GRM1: variants seen among roughly 807,000 people sequenced by gnomAD.
GRM1 encodes metabotropic glutamate receptor 1.
In GRM1, 33 loss-of-function variants were observed where a neutral mutation model predicts 90.9. The ratio of observed to expected loss-of-function variants is 0.36; its 90% CI spans 0.28 to 0.49. The LOEUF is 0.49. Ranked by LOEUF, GRM1 falls within the 20% of genes least tolerant of loss-of-function variation. GRM1 has a pLI of 0.99. For missense variants in GRM1, 1,190 were observed against 1,534.3 expected (o/e 0.78, Z 3.75); for synonymous variants, 700 against 613.2 (o/e 1.14, Z -2.09).
intron 1 of GRM1, among the ~76,000 whole-genome samples, chr6:146,062,415 C>A (rs1324076509): frequency 1.3e-5 from 2 of 151,812 alleles, no homozygotes; most frequent in East Asian, 1.9e-4. Flanking sequence ...ATGGGTGCAG[C>A]AAACCACCAT....
intron 1 of GRM1, among the ~76,000 whole-genome samples, chr6:146,143,747 T>G (rs1014109640): frequency 1.3e-5 from 2 of 152,206 alleles, no homozygotes; most frequent in Non-Finnish European, 2.9e-5. Context: ...AGGTACTTAC[T>G]TTGAATACTG....
intron 2 of GRM1, among the ~76,000 whole-genome samples, chr6:146,195,658 G>T (rs1490651312): frequency 1.3e-5 from 2 of 152,206 alleles, no homozygotes; most frequent in Non-Finnish European, 2.9e-5. Context: ...TACTAGCAGT[G>T]AGGCTGATGT....
At chr6:146,199,411 G>A (rs1779224487) in intron 2 of GRM1, among the ~76,000 whole-genome samples, 2 of 152,104 alleles carry the variant, frequency 1.3e-5, no homozygotes, top group Admixed American at 6.5e-5. Flanking sequence ...AAATTCTGTG[G>A]ACCCAAGTCA....
intron 2 of GRM1, among the ~76,000 whole-genome samples, chr6:146,264,924 T>C (rs1270535964): frequency 6.6e-6 from 1 of 152,200 alleles, no homozygotes; most frequent in Non-Finnish European, 1.5e-5. Context: ...ATTTTCTTTA[T>C]TCAGGTATCA....
intron 7 of GRM1, among the ~76,000 whole-genome samples, chr6:146,406,557 G>A (rs901807848): frequency 3.3e-5 from 5 of 152,198 alleles, no homozygotes; most frequent in African/African-American, 1.2e-4. Context: ...GGCTGGGCAT[G>A]GTAGCTCACG....
At chr6:146,105,161 C>T (rs925875473) in intron 1 of GRM1, among the ~76,000 whole-genome samples, 1 of 152,226 alleles carries the variant, frequency 6.6e-6, no homozygotes, top group South Asian at 2.1e-4. Flanking sequence ...ATTTCAGAAT[C>T]ATTGTGACTT....
chr6:146,036,110 G>T (rs1790881845), intron 1 of GRM1, among the ~76,000 whole-genome samples: 1 of 151,942 alleles, frequency 6.6e-6, no homozygotes, highest in African/African-American at 2.4e-5. Flanking sequence ...TTATGATATA[G>T]GGAGCTAATA....
At chr6:146,355,408 C>T (rs1172880184) in intron 4 of GRM1, among the ~76,000 whole-genome samples, 1 of 152,180 alleles carries the variant, frequency 6.6e-6, no homozygotes, top group Non-Finnish European at 1.5e-5. Flanking sequence ...CAAAAGTCAA[C>T]ACAGCAAAGA....
Position 146,116,266 on chromosome 6 carries a change from C to T in GRM1, c.701-43082C>T, listed in dbSNP as rs184560992. Among the ~76,000 whole-genome samples, 289 of 152,172 alleles carry T rather than the reference C, an allele frequency of 1.9e-3. 2 individuals are homozygous for T. Among genetic ancestry groups the T allele is most frequent in the African/African-American group, 6.4e-3 (267 of 41,522 alleles). ...ACCATTGCACCTGGCCCCCATTCAT[C>T]AATTTAAGAGAGATATTTATTTATT... On this transcript the variant is annotated intron_variant, in intron 1 of 7. Transcript: ENST00000282753.
At chr6:146,053,148 G>A (rs1019404859) in intron 1 of GRM1, among the ~76,000 whole-genome samples, 1 of 151,878 alleles carries the variant, frequency 6.6e-6, no homozygotes, top group East Asian at 1.9e-4. Context: ...GTAATTTTTT[G>A]TACCTAGCTT....
intron 2 of GRM1, chr6:146,159,874 C>A: frequency 2.6e-6 from 1 of 380,938 alleles, no homozygotes; most frequent in South Asian, 2.9e-5. Flanking sequence ...ATGATTGGTG[C>A]CACTGCATTC....
intron 5 of GRM1, among the ~76,000 whole-genome samples, chr6:146,371,171 A>T (rs1056836520): frequency 1.3e-5 from 2 of 152,088 alleles, no homozygotes; most frequent in Non-Finnish European, 2.9e-5. Flanking sequence ...TGAGGAACTC[A>T]TAGTGTAACT....
intron 1 of GRM1, among the ~76,000 whole-genome samples, chr6:146,150,067 T>G (rs1010043141): frequency 5.3e-5 from 8 of 152,116 alleles, no homozygotes; most frequent in African/African-American, 1.9e-4. Flanking sequence ...TAACATTTTC[T>G]AGGTATTAAG....
rs977131315 is a variant in GRM1, at chr6:146,132,726, T to C, written c.701-26622T>C. 1.4e-4 allele frequency among the ~76,000 whole-genome samples: 22 copies of C among 152,222 alleles called. 1 individual carries two copies. Among genetic ancestry groups the C allele is most frequent in the Admixed American group, 1.4e-3 (22 of 15,290 alleles). ...TACTTTAAAACCTAGTATAGATTTT[T>C]TTCCCTGGGGAAGTCTGTCTTATTC... On this transcript the variant is annotated intron_variant, in intron 1 of 7. Transcript: ENST00000282753.
At chr6:146,253,115 T>A (rs2114768932) in intron 2 of GRM1, among the ~76,000 whole-genome samples, 1 of 152,266 alleles carries the variant, frequency 6.6e-6, no homozygotes, top group Non-Finnish European at 1.5e-5. Flanking sequence ...AATTTATTAT[T>A]TAAATCGTGG....
At chr6:146,039,113 T>A (rs996018244) in intron 1 of GRM1, among the ~76,000 whole-genome samples, 7 of 151,974 alleles carry the variant, frequency 4.6e-5, no homozygotes, top group African/African-American at 1.4e-4. Context: ...GATAGTGGAA[T>A]TATAGTCTTC....
chr6:146,304,485 G>A, intron 2 of GRM1, 126 bp from the exon 3 acceptor site: 1 of 741,080 alleles, frequency 1.3e-6, no homozygotes, highest in South Asian at 1.5e-5. Flanking sequence ...AAAGTTGATG[G>A]GTAGTAATGC....
At chr6:146,122,263 A>G (rs1776019349) in intron 1 of GRM1, among the ~76,000 whole-genome samples, 1 of 152,106 alleles carries the variant, frequency 6.6e-6, no homozygotes, top group Non-Finnish European at 1.5e-5. Flanking sequence ...TTATGATGCC[A>G]GTTTGATTTC....
In GRM1 at chr6:146,194,316, C is replaced by G. The variant is rs193141629; in HGVS notation, c.950+34719C>G. On this transcript the variant is annotated intron_variant, in intron 2 of 7. Coordinates refer to ENST00000282753, the MANE Select transcript of GRM1 (RefSeq NM_001278064.2). ...TGTTTTTTTGCCAGTTCCCATGACACAAGCTACCTCTCTTTATGATTCCAG... is the reference window on the plus strand; with the variant it reads ...TGTTTTTTTGCCAGTTCCCATGACAGAAGCTACCTCTCTTTATGATTCCAG... Among the ~76,000 whole-genome samples the G allele has an allele frequency of 3.3e-4, 50 of 152,250 alleles. No homozygotes were observed. The South Asian group carries it at 5.0e-3, about 15-fold the overall frequency.
Sources: gnomAD v4.1 joint callset for allele counts (sites outside exome capture counted in the v4.1 genomes callset) on GRCh38, gnomAD v4.1.1 for gene constraint, MANE v1.5 for transcripts, NCBI Gene and HGNC (gene_info 2026-07-23, HGNC 2026-07-21) for gene names.